Variants in PCDHGB3 observed in about 807,000 individuals in gnomAD.
The protein encoded by PCDHGB3 is protocadherin gamma-B3.
Under a neutral mutation model 59.2 loss-of-function variants are expected in PCDHGB3, and 40 were observed. That is an observed-to-expected ratio of 0.68 (90% CI 0.52 to 0.88). The LOEUF (loss-of-function observed/expected upper bound fraction) is 0.88. Ranked by LOEUF, PCDHGB3 falls within the 40% of genes least tolerant of loss-of-function variation. PCDHGB3 has a pLI of 0.00. For synonymous variants in PCDHGB3, 581 were observed against 503.6 expected (o/e 1.15, Z -2.06); for missense variants, 1,309 against 1,187.9 (o/e 1.10, Z -1.50).
At position 141,438,631 on chromosome 5, in the gene PCDHGB3, T is replaced by C. The variant is rs1227796079; in HGVS notation, c.2416-56176T>C. 6.5e-4 allele frequency among the ~76,000 whole-genome samples: 28 copies of C among 43,202 alleles called. 1 individual carries two copies. Among genetic ancestry groups the C allele is most frequent in the Non-Finnish European group, 8.8e-4 (23 of 26,272 alleles). 28.3% of individuals were successfully genotyped at this position (43,202 alleles called of 152,430 possible). On this transcript the variant is annotated intron_variant, in intron 1 of 3. Transcript: ENST00000576222. ...ATATATATATATATATATATATATATATATACACACACACACACACATATA... is the reference window on the plus strand; with the variant it reads ...ATATATATATATATATATATATATACATATACACACACACACACACATATA...
intron 1 of PCDHGB3, chr5:141,384,519 G>A (rs769300299): frequency 1.9e-6 from 3 of 1,614,220 alleles, no homozygotes; most frequent in Non-Finnish European, 2.5e-6. Flanking sequence ...GCGGGGACCC[G>A]CCTCTCAGCA....
Position 141,372,614 on chromosome 5 carries a change from C to A in PCDHGB3, c.2220C>A (p.Leu740=), listed in dbSNP as rs759304946. 6.2e-6 allele frequency: 10 copies of A among 1,613,984 alleles called. No individual in the cohort carries two copies. The South Asian group carries it at 8.8e-5, about 14-fold the overall frequency. The change falls in exon 1 of 4, where the codon CTC becomes CTA. Residue 740 remains leucine (L), a synonymous_variant. Coordinates refer to ENST00000576222, the MANE Select transcript of PCDHGB3 (RefSeq NM_018924.5). ...GVCFKTVPGV[L]PTYSERTLPY... is the part of the protein sequence containing the mutation. Reference sequence around the variant, plus strand: ...GCTTCAAGACTGTACCTGGAGTTCTCCCCACCTACAGCGAAAGGACTTTGC... The same window carrying A: ...GCTTCAAGACTGTACCTGGAGTTCTACCCACCTACAGCGAAAGGACTTTGC...
At chr5:141,419,290 T>C (rs1160812369) in intron 1 of PCDHGB3, 1 of 1,613,914 alleles carries the variant, frequency 6.2e-7, no homozygotes, top group African/African-American at 1.3e-5. Context: ...TCAGTGCCTC[T>C]GACCCAGACT....
At chr5:141,430,379 T>C (rs1174248880) in intron 1 of PCDHGB3, among the ~76,000 whole-genome samples, 1 of 149,570 alleles carries the variant, frequency 6.7e-6, no homozygotes, top group Non-Finnish European at 1.5e-5. Flanking sequence ...AAAAAGCTCA[T>C]TGGGAAAAAA....
chr5:141,465,606 T>C (rs192541390), intron 1 of PCDHGB3, among the ~76,000 whole-genome samples: 22 of 152,338 alleles, frequency 1.4e-4, no homozygotes, highest in African/African-American at 5.3e-4. Context: ...TATCACTCTT[T>C]GGCCCTCCAG....
intron 2 of PCDHGB3, among the ~76,000 whole-genome samples, chr5:141,495,607 A>G (rs1484333463): frequency 1.3e-5 from 2 of 151,832 alleles, no homozygotes; most frequent in Admixed American, 1.3e-4. Flanking sequence ...TTCCGTCTTG[A>G]TTGCTGCACC....
intron 1 of PCDHGB3, among the ~76,000 whole-genome samples, chr5:141,461,391 G>A (rs1310387476): frequency 1.3e-5 from 2 of 152,058 alleles, no homozygotes; most frequent in East Asian, 1.9e-4. Context: ...GATGATTAGC[G>A]ATGTTGAGCA....
intron 1 of PCDHGB3, chr5:141,394,820 C>T (rs1480144579): frequency 5.6e-6 from 9 of 1,613,748 alleles, no homozygotes; most frequent in African/African-American, 1.3e-5. Flanking sequence ...ACAGCATCCC[C>T]GAAGTCCTGA....
chr5:141,481,208 A>G lies in PCDHGB3; in HGVS notation c.2416-13599A>G, dbSNP rs116577118. On this transcript the variant is annotated intron_variant, in intron 1 of 3. Coordinates refer to ENST00000576222, the MANE Select transcript of PCDHGB3 (RefSeq NM_018924.5). ...GCCAGGCCCAATTTTTTTAAAAAACATGGTAAGGTCTCCCAGCCTTAAAGT... is the reference window on the plus strand; with the variant it reads ...GCCAGGCCCAATTTTTTTAAAAAACGTGGTAAGGTCTCCCAGCCTTAAAGT... 3.5e-3 allele frequency among the ~76,000 whole-genome samples: 528 copies of G among 152,350 alleles called. 2 individuals carry two copies. Among genetic ancestry groups the G allele is most frequent in the African/African-American group, 0.012 (490 of 41,572 alleles).
chr5:141,400,067 A>G lies in PCDHGB3; in HGVS notation c.2415+27258A>G, dbSNP rs761746196. On this transcript the variant is annotated intron_variant, in intron 1 of 3. Coordinates refer to ENST00000576222, the MANE Select transcript of PCDHGB3 (RefSeq NM_018924.5). ...CTGGTTGCTGTGCGTGATGGTGGAC[A>G]GCCGCCACTCTCCGCCACCGCCACG... is the stretch of plus-strand genomic sequence containing the variant. 1.3e-5 allele frequency: 21 copies of G among 1,613,654 alleles called. No individual in the cohort carries two copies. The highest frequency in any genetic ancestry group is 1.7e-4 in the Middle Eastern group (1 of 5,998).
chr5:141,433,935 T>C (rs2097665519), intron 1 of PCDHGB3, among the ~76,000 whole-genome samples: 1 of 152,150 alleles, frequency 6.6e-6, no homozygotes, highest in African/African-American at 2.4e-5. Context: ...GATTTTATAA[T>C]TCCATTGTTT....
chr5:141,375,703 G>T (rs776426026), intron 1 of PCDHGB3: 9 of 1,614,144 alleles, frequency 5.6e-6, no homozygotes, highest in Non-Finnish European at 7.6e-6. Flanking sequence ...GCGGGGACCC[G>T]CCTCTTAGCA....
intron 1 of PCDHGB3, chr5:141,414,585 C>CA: frequency 6.2e-7 from 1 of 1,613,968 alleles, no homozygotes; most frequent in East Asian, 2.2e-5. Flanking sequence ...AGAACAACGC[C>CA]AGGGGTGCCT....
Position 141,371,362 on chromosome 5 carries a change from A to T in PCDHGB3, c.968A>T (p.Asp323Val). 1.9e-6 allele frequency: 3 copies of T among 1,614,014 alleles called. No homozygotes were observed. Among genetic ancestry groups the T allele is most frequent in the Non-Finnish European group, 2.5e-6 (3 of 1,179,880 alleles). ...TACACAATTGGGGTGGAAGCAAAGG[A>T]TGGTGGACATCACACTGCATATTGT... Reference protein sequence around the residue: ...DSYTIGVEAKDGGHHTAYCKV... With the variant: ...DSYTIGVEAKVGGHHTAYCKV... Residue 323 changes from aspartate to valine, a missense_variant, in exon 1 of 4, where the codon GAT (aspartate) becomes GTT (valine). By Grantham distance (152) the Asp-to-Val change is radical (BLOSUM62 -3). Coordinates refer to ENST00000576222, the MANE Select transcript of PCDHGB3 (RefSeq NM_018924.5).
intron 1 of PCDHGB3, chr5:141,408,814 A>G (rs1473137465): frequency 6.8e-6 from 11 of 1,613,456 alleles, no homozygotes; most frequent in Non-Finnish European, 8.5e-6. Context: ...ACCGGGAAGA[A>G]CAGAGATCTC....
chr5:141,440,997 A>G (rs1191545127), intron 1 of PCDHGB3: 1 of 152,178 alleles, frequency 6.6e-6, no homozygotes, highest in East Asian at 1.9e-4. Context: ...ACCCATATCT[A>G]GTTTGGCCTT....
intron 1 of PCDHGB3, chr5:141,478,531 C>A (rs771145308): frequency 8.1e-6 from 13 of 1,608,072 alleles, no homozygotes; most frequent in Admixed American, 5.1e-5. Context: ...GTGCAGAGAG[C>A]GCCCCTCCCG....
intron 1 of PCDHGB3, chr5:141,427,983 C>T (rs1390934748): frequency 1.3e-6 from 2 of 1,596,840 alleles, no homozygotes; most frequent in Admixed American, 1.7e-5. Flanking sequence ...CGCGCTGGGG[C>T]CCGATGGCTC....
chr5:141,399,643 C>T, intron 1 of PCDHGB3: 1 of 1,613,832 alleles, frequency 6.2e-7, no homozygotes, highest in Non-Finnish European at 8.5e-7. Context: ...CATGAGCGCG[C>T]AAAGTGGGGT....
Sources: gnomAD v4.1 joint callset for allele counts (sites outside exome capture counted in the v4.1 genomes callset) on GRCh38, gnomAD v4.1.1 for gene constraint, MANE v1.5 for transcripts, NCBI Gene and HGNC (gene_info 2026-07-23, HGNC 2026-07-21) for gene names.